The following SDK1 variants were observed in gnomAD, a reference collection of about 807,000 sequenced individuals.
SDK1 encodes the protein sidekick cell adhesion molecule 1, also known as protein sidekick-1.
A neutral mutation model predicts 245.5 loss-of-function variants in SDK1; 157 were observed. The ratio of observed to expected loss-of-function variants is 0.64; its 90% CI spans 0.56 to 0.73. The LOEUF is 0.73. Among genes scored for constraint, SDK1 ranks in the 30% least tolerant of loss-of-function variants. The probability of loss-of-function intolerance (pLI) is 0.00; values close to 1 mark genes in which losing one functional copy is unlikely to be tolerated. For missense variants in SDK1, 3,583 were observed against 3,002.3 expected, an observed-to-expected ratio of 1.19 and a Z score of -4.52; for synonymous variants, 1,647 against 1,278.5, an observed-to-expected ratio of 1.29 and a Z score of -6.15.
At chr7:4,192,275 G>T (rs934553849) in intron 35 of SDK1, among the ~76,000 whole-genome samples, 1 of 150,694 alleles carries the variant, frequency 6.6e-6, no homozygotes, top group Non-Finnish European at 1.5e-5. Context: ...CAGATTTTTT[G>T]TTTGTTTCTT....
chr7:3,701,719 G>A (rs1784744742), intron 4 of SDK1, among the ~76,000 whole-genome samples: 1 of 152,112 alleles, frequency 6.6e-6, no homozygotes, highest in South Asian at 2.1e-4. Context: ...TATTCAATCT[G>A]AATTCTTACA....
At chr7:3,417,066 G>C (rs911235866) in intron 1 of SDK1, among the ~76,000 whole-genome samples, 1 of 152,002 alleles carries the variant, frequency 6.6e-6, no homozygotes, top group Non-Finnish European at 1.5e-5. Flanking sequence ...CCTAGCTACC[G>C]GGAAGGCTGA....
At chr7:3,934,925 A>G (rs1021801913) in intron 5 of SDK1, among the ~76,000 whole-genome samples, 1 of 152,170 alleles carries the variant, frequency 6.6e-6, no homozygotes, top group Non-Finnish European at 1.5e-5. Context: ...CCCCGAGGCA[A>G]CCCCAGGGAG....
At chr7:3,878,774 T>C (rs573051553) in intron 5 of SDK1, among the ~76,000 whole-genome samples, 9 of 152,280 alleles carry the variant, frequency 5.9e-5, no homozygotes, top group African/African-American at 2.2e-4. Flanking sequence ...AATCATCTTT[T>C]TTTTAATTCC....
At chr7:4,252,451 C>T (rs1787368015) in intron 44 of SDK1, among the ~76,000 whole-genome samples, 1 of 152,086 alleles carries the variant, frequency 6.6e-6, no homozygotes, top group Non-Finnish European at 1.5e-5. Context: ...TTAATCCAGT[C>T]TATCATTGTT....
chr7:3,762,305 G>T (rs1244435344), intron 4 of SDK1, among the ~76,000 whole-genome samples: 1 of 152,178 alleles, frequency 6.6e-6, no homozygotes, highest in Non-Finnish European at 1.5e-5. Context: ...GGCATTTGTG[G>T]AGAGGACAGA....
intron 4 of SDK1, 103 bp downstream of exon 4, chr7:3,642,208 AAG>A: frequency 9.2e-7 from 1 of 1,082,538 alleles, no homozygotes; most frequent in Non-Finnish European, 1.3e-6. Context: ...ATGATTTAAA[AAG>A]AGCAAACTAG....
chr7:3,859,445 TC>T (rs1395504720), intron 5 of SDK1, among the ~76,000 whole-genome samples: 6 of 152,162 alleles, frequency 3.9e-5, no homozygotes, highest in Non-Finnish European at 1.5e-5. Flanking sequence ...GGTTTTTTTT[TC>T]AGTAAGGTAA....
chr7:3,984,746 C>T (rs527769510), intron 13 of SDK1, among the ~76,000 whole-genome samples: 3 of 152,314 alleles, frequency 2.0e-5, no homozygotes, highest in South Asian at 2.1e-4. Context: ...CGGCCTATCT[C>T]CCATCCTGAC....
intron 1 of SDK1, among the ~76,000 whole-genome samples, chr7:3,529,017 C>T (rs1045390263): frequency 6.6e-6 from 1 of 151,990 alleles, no homozygotes; most frequent in African/African-American, 2.4e-5. Context: ...AAGTTGTTTA[C>T]ATGCAGGGGA....
At chr7:4,199,067 G>A (rs1042031067) in intron 35 of SDK1, among the ~76,000 whole-genome samples, 1 of 152,024 alleles carries the variant, frequency 6.6e-6, no homozygotes, top group Non-Finnish European at 1.5e-5. Flanking sequence ...CACCCTCCTC[G>A]GCCTCCCAAA....
rs142118538 is a variant in SDK1, at chr7:4,026,949, C to G, written c.2602+9597C>G. Among the ~76,000 whole-genome samples the G allele has an allele frequency of 3.8e-4, 58 of 152,320 alleles. No individual in the cohort carries two copies. Among genetic ancestry groups the G allele is most frequent in the African/African-American group, 1.3e-3 (56 of 41,578 alleles). The stretch of plus-strand genomic sequence containing the variant: ...CTATGTGGTAACCTGGAGAAATGGA[C>G]ACCTGTGAATCCCTGCTGTGTTCTG... On this transcript the variant is annotated intron_variant, in intron 17 of 44. Coordinates refer to ENST00000404826, the MANE Select transcript of SDK1 (RefSeq NM_152744.4). This position sits in a 1 kb window ranked among gnomAD's most constrained non-coding sequence, Gnocchi z 4.1.
At position 3,441,268 on chromosome 7, in the gene SDK1, GTATA is replaced by G. The variant is rs146782024; in HGVS notation, c.298+139389_298+139392del. Among the ~76,000 whole-genome samples the G allele has an allele frequency of 5.0e-3, 766 of 152,200 alleles. 6 individuals are homozygous for G. Among genetic ancestry groups the G allele is most frequent in the African/African-American group, 0.018 (729 of 41,522 alleles). ...AGGTAAATATGAATAGGAAAAAACA[GTATA>G]TATAGGGTTCAGTACTATCTGGTTT... is the stretch of plus-strand genomic sequence containing the variant. On this transcript the variant is annotated intron_variant, in intron 1 of 44. Coordinates refer to ENST00000404826, the MANE Select transcript of SDK1 (RefSeq NM_152744.4).
At chr7:4,034,509 G>A (rs1242319716) in intron 17 of SDK1, among the ~76,000 whole-genome samples, 1 of 152,110 alleles carries the variant, frequency 6.6e-6, no homozygotes, top group Non-Finnish European at 1.5e-5. Context: ...GAAATTCTTT[G>A]TAAATTTGAA....
In SDK1 at chr7:4,133,637, A is replaced by G. The variant is rs147204617; in HGVS notation, c.4228+1214A>G. Among the ~76,000 whole-genome samples, 988 of 152,262 alleles carry G rather than the reference A, an allele frequency of 6.5e-3. 15 individuals carry two copies. The highest frequency in any genetic ancestry group is 0.022 in the African/African-American group (922 of 41,546). ...AGACCGAATGCTTTCAGCCTTTGGG[A>G]GCACTGACAGCTCCAAGGCTGGGGA... On this transcript the variant is annotated intron_variant, in intron 28 of 44. Transcript: ENST00000404826.
chr7:3,396,349 A>G (rs1457072815), intron 1 of SDK1, among the ~76,000 whole-genome samples: 1 of 151,790 alleles, frequency 6.6e-6, no homozygotes, highest in Non-Finnish European at 1.5e-5. Context: ...GCTTGAAAAG[A>G]ATGATTATTT....
chr7:3,580,190 T>C (rs1241575136), intron 1 of SDK1, among the ~76,000 whole-genome samples: 7 of 152,154 alleles, frequency 4.6e-5, no homozygotes, highest in Non-Finnish European at 8.8e-5. Context: ...TTAGGAAGAA[T>C]CAGTATCATT....
At chr7:3,357,486 G>C (rs754184030) in intron 1 of SDK1, among the ~76,000 whole-genome samples, 54 of 151,146 alleles carry the variant, frequency 3.6e-4, no homozygotes, top group Non-Finnish European at 7.1e-4. Context: ...TGGCATCTGG[G>C]TTTCAGGTGC....
intron 44 of SDK1, among the ~76,000 whole-genome samples, chr7:4,264,314 CTGAG>C (rs1215534589): frequency 6.9e-6 from 1 of 145,128 alleles, no homozygotes. Context: ...TAGACCTCTC[CTGAG>C]TGAGGGAGGC....
Sources: gnomAD v4.1 joint callset for allele counts (sites outside exome capture counted in the v4.1 genomes callset) on GRCh38, gnomAD v4.1.1 for gene constraint, Gnocchi (gnomAD v3.1) non-coding constraint, MANE v1.5 for transcripts, NCBI Gene and HGNC (gene_info 2026-07-23, HGNC 2026-07-21) for gene names.